The following DMD variants were observed in gnomAD, a reference collection of about 807,000 sequenced individuals.
The protein encoded by DMD is dystrophin.
In DMD, 63 loss-of-function variants were observed where a neutral mutation model predicts 330.1. That is an observed-to-expected ratio of 0.19 (90% CI 0.16 to 0.24). DMD has a LOEUF of 0.24. Among genes scored for constraint, DMD ranks in the 10% least tolerant of loss-of-function variants. The pLI, the probability that DMD is intolerant of heterozygous loss-of-function variation, is 1.00. For missense variants in DMD, 3,344 were observed against 2,684.1 expected, an observed-to-expected ratio of 1.25 and a Z score of -5.43; for synonymous variants, 1,223 against 959.8, an observed-to-expected ratio of 1.27 and a Z score of -5.07.
intron 13 of DMD, among the ~76,000 whole-genome samples, chrX:32,591,903 A>C (rs1182909438): frequency 8.9e-6 from 1 of 112,706 alleles, no homozygotes; most frequent in Admixed American, 9.3e-5. Flanking sequence ...TCCTGGGAGA[A>C]GCAAAGTTGC....
At position 31,614,323 on chromosome X, in the gene DMD, C is replaced by A. The variant is rs1266737931; in HGVS notation, c.8217+13350G>T. On this transcript the variant is annotated intron_variant, in intron 55 of 78. Coordinates refer to ENST00000357033, the MANE Select transcript of DMD (RefSeq NM_004006.3). Reference sequence around the variant, plus strand: ...AGAGCAACTGAAATGCTGCTTCCTGCAGAGAATAACTTTCTTTGTAACTCC... The same window carrying A: ...AGAGCAACTGAAATGCTGCTTCCTGAAGAGAATAACTTTCTTTGTAACTCC... Among the ~76,000 whole-genome samples, 4 of 111,748 alleles carry A rather than the reference C, an allele frequency of 3.6e-5. No individual in the cohort carries two copies. In the Admixed American group the frequency reaches 3.8e-4, roughly 11 times the overall value.
chrX:31,943,957 T>C, intron 45 of DMD, among the ~76,000 whole-genome samples: 1 of 105,519 alleles, frequency 9.5e-6, no homozygotes, highest in Admixed American at 1.0e-4. Flanking sequence ...ATCACTTTCA[T>C]ACTCGAGCAG....
intron 52 of DMD, among the ~76,000 whole-genome samples, chrX:31,722,740 T>C (rs751386516): frequency 5.3e-4 from 59 of 110,853 alleles, no homozygotes; most frequent in Admixed American, 4.6e-3. Flanking sequence ...CCATACAGTG[T>C]AGCATCTATA....
chrX:31,815,984 G>C (rs1417118912), intron 50 of DMD, among the ~76,000 whole-genome samples: 1 of 112,023 alleles, frequency 8.9e-6, no homozygotes, highest in Non-Finnish European at 1.9e-5. Context: ...AGATATCTGA[G>C]AGAGTGCATT....
intron 44 of DMD, among the ~76,000 whole-genome samples, chrX:32,098,411 C>G (rs1244740074): frequency 9.0e-6 from 1 of 111,709 alleles, no homozygotes; most frequent in Non-Finnish European, 1.9e-5. Flanking sequence ...ATTAAAATTT[C>G]TAGTTTTACA....
intron 55 of DMD, among the ~76,000 whole-genome samples, chrX:31,626,954 C>T (rs905211431): frequency 1.8e-4 from 20 of 111,474 alleles, no homozygotes; most frequent in African/African-American, 6.2e-4. Context: ...CATAACAAAA[C>T]TCCATAATAG....
chrX:33,236,651 A>G (rs1440109968), intron 1 of DMD, among the ~76,000 whole-genome samples: 1 of 110,778 alleles, frequency 9.0e-6, no homozygotes, highest in East Asian at 2.9e-4. Flanking sequence ...AGAACCACCT[A>G]CCACAAAGAT....
chrX:32,292,784 G>A (rs1170873874), intron 42 of DMD, among the ~76,000 whole-genome samples: 4 of 111,993 alleles, frequency 3.6e-5, no homozygotes, highest in African/African-American at 6.5e-5. Flanking sequence ...AAGATTTCAC[G>A]TTTGTGGTCC....
At chrX:31,709,051 C>G (rs1389351888) in intron 52 of DMD, among the ~76,000 whole-genome samples, 1 of 111,929 alleles carries the variant, frequency 8.9e-6, no homozygotes, top group Admixed American at 9.5e-5. Context: ...GCAGACAGAT[C>G]ACTTGAATTC....
In DMD at chrX:32,546,445, A is replaced by G. The variant is rs774856843; in HGVS notation, c.1993-1111T>C. Among the ~76,000 whole-genome samples, 10 of 110,304 alleles carry G rather than the reference A, an allele frequency of 9.1e-5. No homozygotes were observed. In the East Asian group the frequency reaches 1.7e-3, roughly 19 times the overall value. On this transcript the variant is annotated intron_variant, in intron 16 of 78. Transcript: ENST00000357033. Reference sequence around the variant, plus strand: ...AGAGGTAAGGGAAGGGTTTGTAGTAATCTCCCTGCCTCATACACGAGGACT... The same window carrying G: ...AGAGGTAAGGGAAGGGTTTGTAGTAGTCTCCCTGCCTCATACACGAGGACT...
At chrX:32,670,084 C>G (rs573678328) in intron 9 of DMD, among the ~76,000 whole-genome samples, 93 of 111,730 alleles carry the variant, frequency 8.3e-4, no homozygotes, top group African/African-American at 2.9e-3. Context: ...TCAGTTATAC[C>G]TTCTGCTACC....
At chrX:32,980,348 G>A (rs781090686) in intron 2 of DMD, among the ~76,000 whole-genome samples, 2 of 73,527 alleles carry the variant, frequency 2.7e-5, no homozygotes, top group African/African-American at 5.8e-5. Flanking sequence ...CTGCTTGGGC[G>A]ACAGAGCCAG....
intron 33 of DMD, among the ~76,000 whole-genome samples, chrX:32,384,112 T>G (rs2097942658): frequency 9.0e-6 from 1 of 110,520 alleles, no homozygotes; most frequent in Admixed American, 9.7e-5. Flanking sequence ...TTTTATTAAT[T>G]TAAAATTTAT....
chrX:32,694,816 C>A (rs889103517), intron 9 of DMD, among the ~76,000 whole-genome samples: 1 of 110,791 alleles, frequency 9.0e-6, no homozygotes, highest in African/African-American at 3.3e-5. Flanking sequence ...GCCACCACAC[C>A]CAGCTAATTT....
chrX:32,870,982 A>C (rs1363320789), intron 2 of DMD, among the ~76,000 whole-genome samples: 3 of 48,076 alleles, frequency 6.2e-5, no homozygotes, highest in South Asian at 8.2e-4. Flanking sequence ...AAAAAAAAAA[A>C]AAAAAACCAC....
chrX:32,711,081 C>T lies in DMD; in HGVS notation c.650-11788G>A, dbSNP rs143892521. The stretch of plus-strand genomic sequence containing the variant: ...AAGACTAAATAGAGAAAAGGAAAGG[C>T]TTTGCGTAGAATCTTACTGCTATTT... On this transcript the variant is annotated intron_variant, in intron 7 of 78. Coordinates refer to ENST00000357033, the MANE Select transcript of DMD (RefSeq NM_004006.3). Among the ~76,000 whole-genome samples, 128 of 111,773 alleles carry T rather than the reference C, an allele frequency of 1.1e-3. 1 individual carries two copies. The East Asian group carries it at 0.033, about 29-fold the overall frequency.
At chrX:32,563,378 C>T (rs1195067495) in intron 16 of DMD, among the ~76,000 whole-genome samples, 1 of 106,226 alleles carries the variant, frequency 9.4e-6, no homozygotes. Flanking sequence ...GATAGAGAAC[C>T]ACAAAAAGCC....
chrX:32,691,099 T>A (rs1302516490), intron 9 of DMD, among the ~76,000 whole-genome samples: 1 of 110,975 alleles, frequency 9.0e-6, no homozygotes, highest in East Asian at 2.8e-4. Context: ...TATTTCTAAC[T>A]CAGAGCTATT....
chrX:31,763,254 T>C lies in DMD; in HGVS notation c.7542+10706A>G, dbSNP rs147849762. Among the ~76,000 whole-genome samples, 155 of 112,690 alleles carry C rather than the reference T, an allele frequency of 1.4e-3. 2 individuals are homozygous for C. In the Middle Eastern group the frequency reaches 0.032, roughly 24 times the overall value. The stretch of plus-strand genomic sequence containing the variant: ...GACAAAATGATTTTGGACTGAATCA[T>C]TGATGAAAAAGACCAATACATATTG... On this transcript the variant is annotated intron_variant, in intron 51 of 78. Coordinates refer to ENST00000357033, the MANE Select transcript of DMD (RefSeq NM_004006.3).
Sources: gnomAD v4.1 joint callset for allele counts (sites outside exome capture counted in the v4.1 genomes callset) on GRCh38, gnomAD v4.1.1 for gene constraint, MANE v1.5 for transcripts, NCBI Gene and HGNC (gene_info 2026-07-23, HGNC 2026-07-21) for gene names.